The following KCND3 variants were observed in gnomAD, a reference collection of about 807,000 sequenced individuals.
KCND3 encodes potassium voltage-gated channel subfamily D member 3, also known as A-type voltage-gated potassium channel KCND3.
KCND3 carries 9 observed loss-of-function variants against 51.1 expected under a neutral mutation model. The ratio of observed to expected loss-of-function variants is 0.18; its 90% CI spans 0.11 to 0.31. KCND3 has a LOEUF of 0.31. KCND3 is among the 10% of genes least tolerant of loss of function. The pLI, the probability that KCND3 is intolerant of heterozygous loss-of-function variation, is 1.00. For synonymous variants in KCND3, 349 were observed against 368.0 expected, an observed-to-expected ratio of 0.95 and a Z score of 0.59; for missense variants, 526 against 903.8, an observed-to-expected ratio of 0.58 and a Z score of 5.36.
rs371845673 is a variant in KCND3 at position 111,948,013 on chromosome 1, C to T, written c.1106+33608G>A. 9.3e-4 allele frequency among the ~76,000 whole-genome samples: 141 copies of T among 152,234 alleles called. No homozygotes were observed. The East Asian group carries it at 0.011, about 12-fold the overall frequency. ...GGACAGGTTGTACAGGCCTCACCTCCGAGGAGCCCTGTTCAGCCACCACTC... is the reference window on the plus strand; with the variant it reads ...GGACAGGTTGTACAGGCCTCACCTCTGAGGAGCCCTGTTCAGCCACCACTC... On this transcript the variant is annotated intron_variant, in intron 2 of 7. Coordinates refer to ENST00000302127, the MANE Select transcript of KCND3 (RefSeq NM_001378969.1).
At chr1:111,868,460 G>A (rs1035222193) in intron 2 of KCND3, among the ~76,000 whole-genome samples, 1 of 152,160 alleles carries the variant, frequency 6.6e-6, no homozygotes, top group African/African-American at 2.4e-5. Context: ...TCATAGGTAT[G>A]TATGCATAGG....
chr1:111,903,932 G>T (rs1364513326), intron 2 of KCND3, among the ~76,000 whole-genome samples: 1 of 152,162 alleles, frequency 6.6e-6, no homozygotes, highest in Admixed American at 6.5e-5. Flanking sequence ...CCAGACTGAG[G>T]GAGCTCAGTC....
At chr1:111,873,593 G>A (rs1668921934) in intron 2 of KCND3, among the ~76,000 whole-genome samples, 2 of 152,102 alleles carry the variant, frequency 1.3e-5, no homozygotes, top group African/African-American at 2.4e-5. Context: ...GACAGGCTAA[G>A]TGTCTGTTAT....
At chr1:111,975,098 T>A (rs931446005) in intron 2 of KCND3, among the ~76,000 whole-genome samples, 4 of 152,216 alleles carry the variant, frequency 2.6e-5, no homozygotes, top group Non-Finnish European at 5.9e-5. Context: ...GTCCTCCTCA[T>A]GGCAGGGATA....
chr1:111,920,791 T>C (rs964618656), intron 2 of KCND3, among the ~76,000 whole-genome samples: 19 of 152,310 alleles, frequency 1.2e-4, no homozygotes, highest in Non-Finnish European at 1.6e-4. Context: ...CCTCTTCCTT[T>C]GTGTAACCAA....
chr1:111,823,203 T>A (rs1666425834), intron 2 of KCND3, among the ~76,000 whole-genome samples: 4 of 151,978 alleles, frequency 2.6e-5, no homozygotes, highest in African/African-American at 9.7e-5. Context: ...TGGGGAGAGG[T>A]GTTCCACAAA....
intron 2 of KCND3, among the ~76,000 whole-genome samples, chr1:111,832,093 A>G (rs913449205): frequency 1.3e-5 from 2 of 152,138 alleles, no homozygotes; most frequent in African/African-American, 4.8e-5. Flanking sequence ...TACCCACACC[A>G]CAGGTCTCCC....
intron 2 of KCND3, among the ~76,000 whole-genome samples, chr1:111,961,848 G>C (rs985786535): frequency 3.9e-5 from 6 of 152,192 alleles, no homozygotes; most frequent in African/African-American, 1.2e-4. Flanking sequence ...AGACAAGGGG[G>C]CTCAACTACA....
At chr1:111,809,135 A>G (rs1243089902) in intron 2 of KCND3, among the ~76,000 whole-genome samples, 2 of 152,164 alleles carry the variant, frequency 1.3e-5, no homozygotes, top group Non-Finnish European at 1.5e-5. Flanking sequence ...TGGAGGAGCT[A>G]TGGGTGGGCC....
At chr1:111,918,260 A>T (rs1671315576) in intron 2 of KCND3, among the ~76,000 whole-genome samples, 4 of 152,246 alleles carry the variant, frequency 2.6e-5, no homozygotes, top group African/African-American at 9.6e-5. Context: ...GTGTGAAAAG[A>T]CAATGAGATC....
Position 111,981,733 on chromosome 1 carries a change from T to C in KCND3, c.994A>G (p.Ile332Val). The change falls in exon 2 of 8, where the codon ATC becomes GTC. Residue 332 changes from isoleucine to valine, a missense_variant. Ile to Val is a conservative substitution (Grantham distance 29, BLOSUM62 3). Around this residue, in one of 5 missense-constraint regions of KCND3, gnomAD observed 48 missense variants for 228.5 expected, o/e 0.21. Transcript: ENST00000302127. The surrounding 1 kb of genome is among the most constrained non-coding windows in gnomAD (Gnocchi z 6.2). ...GFLLFSLTMA[I>V]IIFATVMFYA... ...AACATCACAGTGGCAAAGATGATGA[T>C]GGCCATGGTGAGGGAGAAGAGAAGA... 6.2e-7 allele frequency: 1 copy of C among 1,614,108 alleles called. No homozygotes were observed. Among genetic ancestry groups the C allele is most frequent in the Non-Finnish European group, 8.5e-7 (1 of 1,180,020 alleles).
chr1:111,926,240 G>A (rs1218324745), intron 2 of KCND3, among the ~76,000 whole-genome samples: 2 of 152,198 alleles, frequency 1.3e-5, no homozygotes, highest in Admixed American at 6.5e-5. Flanking sequence ...ATTAGGGTAG[G>A]CCACACTGCA....
intron 2 of KCND3, among the ~76,000 whole-genome samples, chr1:111,962,710 T>C (rs570853208): frequency 1.3e-5 from 2 of 152,350 alleles, no homozygotes; most frequent in South Asian, 2.1e-4. Context: ...GTTAGGACCC[T>C]GAGGCTGGTT....
chr1:111,857,261 C>A (rs1467685036), intron 2 of KCND3, among the ~76,000 whole-genome samples: 6 of 152,188 alleles, frequency 3.9e-5, no homozygotes, highest in Non-Finnish European at 8.8e-5. Flanking sequence ...GCTCCACAGT[C>A]CCTGAGAGAA....
chr1:111,938,803 G>T (rs560345722), intron 2 of KCND3, among the ~76,000 whole-genome samples: 1 of 152,326 alleles, frequency 6.6e-6, no homozygotes, highest in South Asian at 2.1e-4. Context: ...GAGCAGGGAT[G>T]TGCCAGCCAC....
chr1:111,786,446 A>T (rs1664606799), intron 3 of KCND3, among the ~76,000 whole-genome samples: 1 of 152,136 alleles, frequency 6.6e-6, no homozygotes, highest in Non-Finnish European at 1.5e-5. Context: ...TTGCCCTATG[A>T]TATCTTGGAA....
intron 2 of KCND3, among the ~76,000 whole-genome samples, chr1:111,844,014 G>A (rs764481896): frequency 7.2e-5 from 11 of 152,080 alleles, no homozygotes; most frequent in Non-Finnish European, 1.2e-4. Flanking sequence ...TGGCCTGTAC[G>A]CAGCAGAGCA....
intron 2 of KCND3, among the ~76,000 whole-genome samples, chr1:111,932,002 A>G (rs891727060): frequency 5.3e-5 from 8 of 152,202 alleles, no homozygotes; most frequent in Non-Finnish European, 7.3e-5. Context: ...ACAGGTCTGC[A>G]ATGGGCCTCC....
intron 2 of KCND3, among the ~76,000 whole-genome samples, chr1:111,821,877 C>T (rs752439683): frequency 6.6e-6 from 1 of 152,086 alleles, no homozygotes; most frequent in Non-Finnish European, 1.5e-5. Context: ...TGTGTGTGTG[C>T]TGATGTTACA....
Sources: gnomAD v4.1 joint callset for allele counts (sites outside exome capture counted in the v4.1 genomes callset) on GRCh38, gnomAD v4.1.1 for gene constraint, gnomAD v4.1.1 regional missense constraint, Gnocchi (gnomAD v3.1) non-coding constraint, MANE v1.5 for transcripts, NCBI Gene and HGNC (gene_info 2026-07-23, HGNC 2026-07-21) for gene names.